Variants in UPF1 observed in about 807,000 individuals in gnomAD.
UPF1 encodes regulator of nonsense transcripts 1.
A neutral mutation model predicts 129.2 loss-of-function variants in UPF1; 9 were observed. That is an observed-to-expected ratio of 0.07 (90% CI 0.04 to 0.12). The LOEUF is 0.12. UPF1 is among the 10% of genes least tolerant of loss of function. The probability of loss-of-function intolerance (pLI) is 1.00; values close to 1 mark genes in which losing one functional copy is unlikely to be tolerated. For missense variants in UPF1, 788 were observed against 1,525.3 expected (o/e 0.52, Z 8.05); for synonymous variants, 649 against 644.9 (o/e 1.01, Z -0.10).
At chr19:18,846,502 C>T (rs1442302013) in intron 2 of UPF1, among the ~76,000 whole-genome samples, 3 of 152,120 alleles carry the variant, frequency 2.0e-5, no homozygotes, top group Non-Finnish European at 1.5e-5. Context: ...AAAGCAGTTG[C>T]TGCAGGGTTC....
In UPF1 at chr19:18,855,260, C is replaced by T. The variant is rs1283658505; in HGVS notation, c.1544+18C>T. On this transcript the variant is annotated intron_variant, in intron 11 of 23. Coordinates refer to ENST00000262803, the MANE Select transcript of UPF1 (RefSeq NM_002911.4). ...GGCAACGGGTAGGGCTGACACGGCC[C>T]TTGCGGGCAAGACCCGGGAGGGCTT... 1 of 1,606,626 alleles carries T rather than the reference C, an allele frequency of 6.2e-7. No homozygotes were observed. The highest frequency in any genetic ancestry group is 8.5e-7 in the Non-Finnish European group (1 of 1,179,652).
Position 18,832,475 on chromosome 19 carries a change from C to T in UPF1, c.231+35C>T. 1.0e-6 allele frequency: 1 copy of T among 997,626 alleles called. No homozygotes were observed. The highest frequency in any genetic ancestry group is 1.2e-6 in the Non-Finnish European group (1 of 837,694). 61.8% of individuals were successfully genotyped at this position (997,626 alleles called of 1,614,324 possible). A position where few individuals can be genotyped will look rare whatever the true frequency, so the allele number is the denominator to read the frequency against. ...ACATGGCGGTGCCGGAAGCCCGGGC[C>T]CGGCCTCGGCGCCTGAGACCTGCCC... On this transcript the variant is annotated intron_variant, in intron 1 of 23. Coordinates refer to ENST00000262803, the MANE Select transcript of UPF1 (RefSeq NM_002911.4). The surrounding 1 kb of genome is among the most constrained non-coding windows in gnomAD (Gnocchi z 5.6).
chr19:18,847,771 C>G lies in UPF1; in HGVS notation c.399C>G (p.Cys133Trp). The G allele has an allele frequency of 6.2e-7, 1 of 1,614,148 alleles. No homozygotes were observed. ...ACTGTGGAATACACGATCCTGCCTGCGTGGTTTACTGTAATACCAGCAAGA... is the reference window on the plus strand; with the variant it reads ...ACTGTGGAATACACGATCCTGCCTGGGTGGTTTACTGTAATACCAGCAAGA... ...CSYCGIHDPA[C>W]VVYCNTSKKW... is the part of the protein sequence containing the mutation. The change falls in exon 3 of 24, where the codon TGC (cysteine) becomes TGG (tryptophan). Residue 133 changes from cysteine (C) to tryptophan (W), a missense_variant. Cys to Trp is a radical substitution (Grantham distance 215). Around this residue, in one of 6 missense-constraint regions of UPF1, gnomAD observed 227 missense variants for 517.9 expected, o/e 0.44. Transcript: ENST00000262803.
At chr19:18,856,114 A>T (rs776036628) in intron 12 of UPF1, 25 bp downstream of exon 12, 2 of 1,609,420 alleles carry the variant, frequency 1.2e-6, no homozygotes, top group Admixed American at 3.3e-5. Context: ...CATCCCTCCC[A>T]GTTGGTCCCT....
At chr19:18,835,752 C>T (rs1408155984) in intron 1 of UPF1, among the ~76,000 whole-genome samples, 2 of 152,292 alleles carry the variant, frequency 1.3e-5, no homozygotes, top group East Asian at 3.9e-4. Flanking sequence ...GGGTTGTTTC[C>T]ACCTCTTGGC....
intron 19 of UPF1, among the ~76,000 whole-genome samples, chr19:18,863,858 C>A (rs2055809422): frequency 6.6e-6 from 1 of 152,158 alleles, no homozygotes; most frequent in Non-Finnish European, 1.5e-5. Flanking sequence ...TGCTGTGCTG[C>A]ATGCAGCAGC....
At chr19:18,861,744 G>A (rs919662597) in intron 17 of UPF1, among the ~76,000 whole-genome samples, 1 of 152,210 alleles carries the variant, frequency 6.6e-6, no homozygotes, top group African/African-American at 2.4e-5. Flanking sequence ...GGTGGGATCA[G>A]CTGAGCCTGG....
intron 18 of UPF1, 163 bp from the exon 19 acceptor site, chr19:18,863,275 G>A: frequency 1.1e-6 from 1 of 886,464 alleles, no homozygotes; most frequent in East Asian, 2.5e-5. Flanking sequence ...CTTGGCATTG[G>A]GCTTTGGGGC....
Position 18,856,879 on chromosome 19 carries a change from C to G in UPF1, c.1827C>G (p.Asn609Lys). 6.2e-7 allele frequency: 1 copy of G among 1,610,526 alleles called. No homozygotes were observed. The highest frequency in any genetic ancestry group is 8.5e-7 in the Non-Finnish European group (1 of 1,179,130). The change falls in exon 14 of 24, where the codon AAC (asparagine) becomes AAG (lysine). Residue 609 changes from asparagine (N) to lysine (K), a missense_variant and splice_region_variant. Coordinates refer to ENST00000262803, the MANE Select transcript of UPF1 (RefSeq NM_002911.4). ...GATGCCTCTGCACCCTTCCCCAGAA[C>G]GCAGATGTCATCTGCTGCACATGTG... is the stretch of plus-strand genomic sequence containing the variant. ...KRTAERELLM[N>K]ADVICCTCVG...
At position 18,865,023 on chromosome 19, in the gene UPF1, A is replaced by G. The variant is rs898907745; in HGVS notation, c.2858-266A>G. On this transcript the variant is annotated intron_variant, in intron 20 of 23. Transcript: ENST00000262803. The surrounding 1 kb of genome is among the most constrained non-coding windows in gnomAD (Gnocchi z 6.1). ...GTGCTGGGATTATAGGCTTGAGCCA[A>G]CACGCCCGGCCCCAATTTTCAGTTT... Among the ~76,000 whole-genome samples the G allele has an allele frequency of 5.3e-5, 8 of 152,142 alleles. No homozygotes were observed. The highest frequency in any genetic ancestry group is 8.8e-5 in the Non-Finnish European group (6 of 68,028).
chr19:18,855,615 G>A (rs1174813592), intron 11 of UPF1: 6 of 498,048 alleles, frequency 1.2e-5, no homozygotes, highest in Admixed American at 7.3e-5. Context: ...TCGGCATCGT[G>A]TCATTACTGC....
At chr19:18,862,602 G>A (rs1395916745) in intron 18 of UPF1, among the ~76,000 whole-genome samples, 3 of 152,058 alleles carry the variant, frequency 2.0e-5, no homozygotes, top group Admixed American at 6.5e-5. Context: ...TTGGGAGGCC[G>A]AGGCAGGTGG....
At chr19:18,860,537 T>C in intron 16 of UPF1, 99 bp downstream of exon 16, 3 of 1,258,106 alleles carry the variant, frequency 2.4e-6, no homozygotes, top group Non-Finnish European at 3.4e-6. Context: ...CTGAAACTTT[T>C]TTTGCCTTCA....
chr19:18,835,946 C>CA (rs751463028), intron 1 of UPF1, among the ~76,000 whole-genome samples: 7 of 152,216 alleles, frequency 4.6e-5, no homozygotes, highest in Non-Finnish European at 8.8e-5. Context: ...TTGGTTTTCC[C>CA]TTAATGTGTG....
chr19:18,863,394 G>C (rs1322275786), intron 18 of UPF1, 44 bp from the exon 19 acceptor site: 1 of 1,595,742 alleles, frequency 6.3e-7, no homozygotes, highest in African/African-American at 1.3e-5. Context: ...CTGTGAGACG[G>C]GCAGCTCTCC....
At chr19:18,855,680 CAA>C in intron 11 of UPF1, 3 of 508,416 alleles carry the variant, frequency 5.9e-6, no homozygotes, top group South Asian at 2.6e-5. Context: ...GACGTCTCTA[CAA>C]AAAAAAAATT....
Position 18,858,072 on chromosome 19 carries a change from T to G in UPF1, c.2182+539T>G, listed in dbSNP as rs577387350. On this transcript the variant is annotated intron_variant, in intron 15 of 23. Transcript: ENST00000262803. ...GTAAGAAACGCCCTGGATGAGGAAG[T>G]GAACAGTACATCTTACTAAGCCTCG... Among the ~76,000 whole-genome samples, 11 of 152,282 alleles carry G rather than the reference T, an allele frequency of 7.2e-5. No individual in the cohort carries two copies. The South Asian group carries it at 1.9e-3, about 26-fold the overall frequency.
At chr19:18,857,623 T>C in intron 15 of UPF1, 90 bp downstream of exon 15, 1 of 1,400,942 alleles carries the variant, frequency 7.1e-7, no homozygotes, top group Non-Finnish European at 9.5e-7. Context: ...CCCATCAGCT[T>C]CCCCTGAGCG....
At chr19:18,860,296 G>A in intron 15 of UPF1, 25 bp from the exon 16 acceptor site, 2 of 1,612,156 alleles carry the variant, frequency 1.2e-6, no homozygotes, top group Non-Finnish European at 1.7e-6. Flanking sequence ...CTTTTGAAGT[G>A]TTACTTCTTT....
Sources: allele counts gnomAD v4.1 joint callset (sites outside exome capture counted in the v4.1 genomes callset), GRCh38; gene constraint gnomAD v4.1.1; regional missense constraint gnomAD v4.1.1; non-coding constraint Gnocchi (gnomAD v3.1); transcripts MANE v1.5; gene names NCBI Gene and HGNC (gene_info 2026-07-23, HGNC 2026-07-21).